Variants in MACO1 observed in about 807,000 individuals in gnomAD.
The protein encoded by MACO1 is macoilin.
A neutral mutation model predicts 78.7 loss-of-function variants in MACO1; 14 were observed. The ratio of observed to expected loss-of-function variants is 0.18; its 90% CI spans 0.12 to 0.28. MACO1 has a LOEUF of 0.28. Among genes scored for constraint, MACO1 ranks in the 10% least tolerant of loss-of-function variants. The pLI is 1.00. For missense variants in MACO1, 501 were observed against 799.0 expected (o/e 0.63, Z 4.50); for synonymous variants, 288 against 291.6 (o/e 0.99, Z 0.12).
chr1:25,437,643 T>C (rs1170218941), intron 1 of MACO1, among the ~76,000 whole-genome samples: 1 of 152,142 alleles, frequency 6.6e-6, no homozygotes, highest in Non-Finnish European at 1.5e-5. Flanking sequence ...ATAAGAATTT[T>C]TGGCCGGGTG....
chr1:25,471,777 CTT>C (rs1265114204), intron 6 of MACO1, among the ~76,000 whole-genome samples: 1 of 152,180 alleles, frequency 6.6e-6, no homozygotes, highest in Non-Finnish European at 1.5e-5. Context: ...GTGTCAAACT[CTT>C]TGTTATTTTT....
chr1:25,452,852 A>C (rs945901559), intron 3 of MACO1, among the ~76,000 whole-genome samples: 4 of 151,884 alleles, frequency 2.6e-5, no homozygotes, highest in Admixed American at 1.3e-4. Flanking sequence ...GTGCACCACC[A>C]TGCCCAGCTA....
Position 25,498,607 on chromosome 1 carries a change from AGAT to A in MACO1, c.*142_*144del. On this transcript the variant is annotated 3_prime_UTR_variant, in exon 11 of 11. Coordinates refer to ENST00000374343, the MANE Select transcript of MACO1 (RefSeq NM_018202.6). ...TTGTCATTTTTAAAAAGGGGGGAAA[AGAT>A]AACATCCAAGTCTGATTAGAACTGC... 1 of 782,486 alleles carries A rather than the reference AGAT, an allele frequency of 1.3e-6. No homozygotes were observed. The highest frequency in any genetic ancestry group is 2.0e-6 in the Non-Finnish European group (1 of 501,926). The allele number at this position is 782,486 out of a possible 1,614,324, so 48.5% of individuals were successfully genotyped here. A position where few individuals can be genotyped will look rare whatever the true frequency, so the allele number is the denominator to read the frequency against.
chr1:25,455,489 CAT>C (rs1237424140), intron 4 of MACO1, among the ~76,000 whole-genome samples: 1 of 152,154 alleles, frequency 6.6e-6, no homozygotes, highest in Non-Finnish European at 1.5e-5. Context: ...GTCAGTAAAA[CAT>C]GTCACCGTAA....
intron 9 of MACO1, 45 bp from the exon 10 acceptor site, chr1:25,491,365 T>C: frequency 6.2e-7 from 1 of 1,608,396 alleles, no homozygotes; most frequent in Non-Finnish European, 8.5e-7. Flanking sequence ...TAGACATCGA[T>C]GCCAAAACTA....
chr1:25,497,393 AAAG>A (rs1184770019), intron 10 of MACO1, among the ~76,000 whole-genome samples: 15 of 151,766 alleles, frequency 9.9e-5, no homozygotes. Context: ...AAAAAAAAAA[AAAG>A]AATTTAGGAG....
At chr1:25,455,977 A>T (rs558030835) in intron 4 of MACO1, among the ~76,000 whole-genome samples, 1 of 152,138 alleles carries the variant, frequency 6.6e-6, no homozygotes, top group East Asian at 1.9e-4. Flanking sequence ...AAAAGCATAC[A>T]GGCCAGGCGT....
At chr1:25,497,257 G>A (rs1005966205) in intron 10 of MACO1, among the ~76,000 whole-genome samples, 10 of 151,920 alleles carry the variant, frequency 6.6e-5, no homozygotes, top group Non-Finnish European at 1.3e-4. Context: ...GCACATGCTT[G>A]TAATCCCAGC....
chr1:25,442,984 T>C (rs916177748), intron 1 of MACO1, among the ~76,000 whole-genome samples: 3 of 152,236 alleles, frequency 2.0e-5, no homozygotes, highest in African/African-American at 7.2e-5. Context: ...ATGAGTCATA[T>C]AATGAACTGT....
intron 4 of MACO1, among the ~76,000 whole-genome samples, chr1:25,454,913 C>A (rs1050963521): frequency 1.3e-5 from 2 of 152,174 alleles, no homozygotes; most frequent in African/African-American, 4.8e-5. Context: ...ATGAGCCCCC[C>A]CTTTTCAGGC....
intron 1 of MACO1, among the ~76,000 whole-genome samples, chr1:25,441,538 T>G (rs895012489): frequency 3.3e-5 from 5 of 152,266 alleles, no homozygotes; most frequent in Non-Finnish European, 5.9e-5. Context: ...GTCAGAGTAC[T>G]GTGCTGGGCA....
intron 6 of MACO1, among the ~76,000 whole-genome samples, chr1:25,469,875 C>G: frequency 6.6e-6 from 1 of 152,168 alleles, no homozygotes; most frequent in East Asian, 1.9e-4. Context: ...ATCCACCCGC[C>G]TCAGCTTCCC....
At chr1:25,439,962 G>A (rs551279433) in intron 1 of MACO1, among the ~76,000 whole-genome samples, 8 of 150,072 alleles carry the variant, frequency 5.3e-5, no homozygotes, top group African/African-American at 2.0e-4. Context: ...AGATTGCGGT[G>A]AGCCGAGATC....
At chr1:25,439,360 C>T (rs57749156) in intron 1 of MACO1, among the ~76,000 whole-genome samples, 7,403 of 151,632 alleles carry the variant, frequency 0.049, 187 homozygotes, top group African/African-American at 0.057. Context: ...CACACCACTG[C>T]GCTACAGCCT....
chr1:25,498,199 C>T, intron 10 of MACO1, 65 bp from the exon 11 acceptor site: 1 of 1,553,920 alleles, frequency 6.4e-7, no homozygotes, highest in South Asian at 1.2e-5. Flanking sequence ...TAGGGATTGG[C>T]CCCTGGGGAC....
chr1:25,458,715 G>A lies in MACO1; in HGVS notation c.977G>A (p.Ser326Asn), dbSNP rs145917972. 4.3e-6 allele frequency: 7 copies of A among 1,614,072 alleles called. No homozygotes were observed. Among genetic ancestry groups the A allele is most frequent in the Non-Finnish European group, 5.9e-6 (7 of 1,180,050 alleles). Residue 326 changes from serine to asparagine, a missense_variant, in exon 6 of 11, where the codon AGT (serine) becomes AAT (asparagine). This residue lies in a region of MACO1 where 163 missense variants were observed against 271.9 expected (regional missense o/e 0.60). Coordinates refer to ENST00000374343, the MANE Select transcript of MACO1 (RefSeq NM_018202.6). ...TASSKNYKNA[S>N]GVVNSSPRSH... ...TCCTCAAAAAATTACAAAAATGCCA[G>A]TGGAGTTGTGAACTCTTCACCTCGA...
In MACO1 at chr1:25,443,398, C is replaced by T. The variant is rs578057739; in HGVS notation, c.81-3364C>T. Among the ~76,000 whole-genome samples, 296 of 152,238 alleles carry T rather than the reference C, an allele frequency of 1.9e-3. 1 individual carries two copies. Among genetic ancestry groups the T allele is most frequent in the Non-Finnish European group, 2.9e-3 (200 of 68,024 alleles). ...TTGTCTCTTGATTTTGGAGGCAGGC[C>T]TGCCTGAAAGGAGAGCCAGAGGAAA... On this transcript the variant is annotated intron_variant, in intron 1 of 10. Coordinates refer to ENST00000374343, the MANE Select transcript of MACO1 (RefSeq NM_018202.6).
At chr1:25,434,190 A>G (rs1571944973) in intron 1 of MACO1, among the ~76,000 whole-genome samples, 1 of 152,260 alleles carries the variant, frequency 6.6e-6, no homozygotes, top group Non-Finnish European at 1.5e-5. Context: ...AAAGTGAAAC[A>G]TGCTATAGAA....
chr1:25,446,305 T>C (rs1479450197), intron 1 of MACO1, among the ~76,000 whole-genome samples: 2 of 152,188 alleles, frequency 1.3e-5, no homozygotes, highest in Admixed American at 6.5e-5. Flanking sequence ...CAGAATTCTT[T>C]AAGCATGTAA....
Sources: allele counts gnomAD v4.1 joint callset (sites outside exome capture counted in the v4.1 genomes callset), GRCh38; gene constraint gnomAD v4.1.1; regional missense constraint gnomAD v4.1.1; transcripts MANE v1.5; gene names NCBI Gene and HGNC (gene_info 2026-07-23, HGNC 2026-07-21).